Variants in GTF2A1 observed in about 807,000 individuals in gnomAD.
The protein encoded by GTF2A1 is general transcription factor IIA subunit 1, also known as transcription initiation factor IIA subunit 1.
A neutral mutation model predicts 54.1 loss-of-function variants in GTF2A1; 12 were observed. The observed-to-expected ratio is 0.22, with a 90% CI of 0.14 to 0.36. The LOEUF is 0.36. Ranked by LOEUF, GTF2A1 falls within the 10% of genes least tolerant of loss-of-function variation. GTF2A1 has a pLI of 1.00. For missense variants in GTF2A1, 335 were observed against 442.2 expected (o/e 0.76, Z 2.17); for synonymous variants, 145 against 152.0 (o/e 0.95, Z 0.34).
At chr14:81,201,025 AAT>A (rs1893097718) in intron 4 of GTF2A1, among the ~76,000 whole-genome samples, 1 of 152,180 alleles carries the variant, frequency 6.6e-6, no homozygotes. Context: ...GTAATTTGAA[AAT>A]ATGAGTGAGG....
chr14:81,190,021 G>C (rs1476014780), intron 7 of GTF2A1, among the ~76,000 whole-genome samples: 1 of 151,670 alleles, frequency 6.6e-6, no homozygotes, highest in Non-Finnish European at 1.5e-5. Context: ...AAAAAAGATG[G>C]CACAATAATT....
Position 81,201,615 on chromosome 14 carries a change from C to T in GTF2A1, c.381G>A (p.Gln127=). The T allele has an allele frequency of 1.9e-6, 3 of 1,605,210 alleles. No homozygotes were observed. Among genetic ancestry groups the T allele is most frequent in the Non-Finnish European group, 1.7e-6 (2 of 1,171,966 alleles). The change falls in exon 4 of 9, where the codon CAG becomes CAA. Residue 127 remains glutamine (Q), a synonymous_variant. Coordinates refer to ENST00000553612, the MANE Select transcript of GTF2A1 (RefSeq NM_015859.4). ...TTACCATGTTTGATGCATTCATATG[C>T]TGTATCAACTTAGAATCTGGAACAA... The part of the protein sequence containing the change: ...QVIVPDSKLI[Q]HMNASNMSAA...
intron 3 of GTF2A1, chr14:81,202,812 G>A (rs756770360): frequency 2.7e-5 from 14 of 515,758 alleles, no homozygotes; most frequent in Admixed American, 7.8e-5. Flanking sequence ...CAGGTCTGAA[G>A]GCAACAGGAA....
At chr14:81,190,156 A>G (rs1370772902) in intron 7 of GTF2A1, among the ~76,000 whole-genome samples, 1 of 152,164 alleles carries the variant, frequency 6.6e-6, no homozygotes, top group Admixed American at 6.5e-5. Context: ...ATAACTTATC[A>G]AAACGGTCTC....
At chr14:81,211,882 T>TATATATATATATATATATAC (rs1893376228) in intron 2 of GTF2A1, among the ~76,000 whole-genome samples, 2 of 45,982 alleles carry the variant, frequency 4.3e-5, no homozygotes, top group Admixed American at 4.6e-4. Flanking sequence ...ACTTTATATA[T>TATATATATATATATATATAC]ATATATATAT....
At chr14:81,196,036 G>A (rs1003012746) in intron 6 of GTF2A1, 72 bp downstream of exon 6, 11 of 1,394,482 alleles carry the variant, frequency 7.9e-6, no homozygotes, top group African/African-American at 5.7e-5. Flanking sequence ...TATAAGGAGA[G>A]GGAAACTACC....
At chr14:81,190,066 TCAA>T in intron 7 of GTF2A1, among the ~76,000 whole-genome samples, 5 of 151,968 alleles carry the variant, frequency 3.3e-5, no homozygotes, top group Non-Finnish European at 7.4e-5. Context: ...GATTCTGGCA[TCAA>T]AAAGACAATA....
chr14:81,200,001 G>A (rs1368176763), intron 4 of GTF2A1, among the ~76,000 whole-genome samples: 1 of 151,630 alleles, frequency 6.6e-6, no homozygotes, highest in Non-Finnish European at 1.5e-5. Flanking sequence ...ACTTAAAATG[G>A]AGTTTTTTCC....
Position 81,216,632 on chromosome 14 carries a change from A to G in GTF2A1, c.31-118T>C, listed in dbSNP as rs1056462861. 7.3e-6 allele frequency: 4 copies of G among 551,510 alleles called. No homozygotes were observed. In the African/African-American group the frequency reaches 7.7e-5, roughly 11 times the overall value. The allele number at this position is 551,510 out of a possible 1,614,324, so 34.2% of individuals were successfully genotyped here. A position where few individuals can be genotyped will look rare whatever the true frequency, so the allele number is the denominator to read the frequency against. On this transcript the variant is annotated intron_variant, in intron 1 of 8. Coordinates refer to ENST00000553612, the MANE Select transcript of GTF2A1 (RefSeq NM_015859.4). ...TTGCCAACTATCTATATATGACTTTAAAGATACGACCACCATCATTTGCCA... is the reference window on the plus strand; with the variant it reads ...TTGCCAACTATCTATATATGACTTTGAAGATACGACCACCATCATTTGCCA...
intron 2 of GTF2A1, among the ~76,000 whole-genome samples, chr14:81,205,104 GTTTC>G (rs199517892): frequency 0.014 from 2,115 of 152,028 alleles, 44 homozygotes; most frequent in African/African-American, 0.041. Context: ...CTCACAGAGA[GTTTC>G]TTTATTTTTT....
intron 7 of GTF2A1, among the ~76,000 whole-genome samples, chr14:81,189,233 T>A (rs765234770): frequency 6.6e-6 from 1 of 152,162 alleles, no homozygotes; most frequent in Non-Finnish European, 1.5e-5. Flanking sequence ...ATGGTTCAAC[T>A]CACTGAGAAA....
At chr14:81,207,725 A>G (rs560024238) in intron 2 of GTF2A1, among the ~76,000 whole-genome samples, 11 of 152,370 alleles carry the variant, frequency 7.2e-5, no homozygotes, top group African/African-American at 2.6e-4. Context: ...AATAAGGTCC[A>G]GGCTGAGGTG....
chr14:81,204,136 G>A (rs1243218595), intron 2 of GTF2A1, 32 bp from the exon 3 acceptor site: 1 of 1,390,414 alleles, frequency 7.2e-7, no homozygotes, highest in East Asian at 2.3e-5. Flanking sequence ...ATTTCTAAGT[G>A]AAAAATAACT....
In GTF2A1 at chr14:81,198,667, T is replaced by C. The variant is rs372420715; in HGVS notation, c.403-1183A>G. Among the ~76,000 whole-genome samples the C allele has an allele frequency of 1.4e-4, 21 of 152,296 alleles. No individual in the cohort carries two copies. In the South Asian group the frequency reaches 1.5e-3, roughly 11 times the overall value. ...CCGCTATAGCTACACATTTTGGTAGTTTTTTCCCTCTCTTTTCAATCTTCT... is the reference window on the plus strand; with the variant it reads ...CCGCTATAGCTACACATTTTGGTAGCTTTTTCCCTCTCTTTTCAATCTTCT... On this transcript the variant is annotated intron_variant, in intron 4 of 8. Coordinates refer to ENST00000553612, the MANE Select transcript of GTF2A1 (RefSeq NM_015859.4).
Position 81,220,567 on chromosome 14 carries a change from AAAAAC to A in GTF2A1, c.-54_-50del. On this transcript the variant is annotated 5_prime_UTR_variant, in exon 1 of 9. Coordinates refer to ENST00000553612, the MANE Select transcript of GTF2A1 (RefSeq NM_015859.4). ...GGGGGCAACCCCAAGAAAACAAGATAAAAACAAAACCAAAAAAAAAAAAACTATAA... is the reference window on the plus strand; with the variant it reads ...GGGGGCAACCCCAAGAAAACAAGATAAAAACCAAAAAAAAAAAAACTATAA... The A allele has an allele frequency of 6.7e-7, 1 of 1,482,920 alleles. No homozygotes were observed. The highest frequency in any genetic ancestry group is 1.7e-4 in the Middle Eastern group (1 of 5,762). 91.9% of individuals were successfully genotyped at this position (1,482,920 alleles called of 1,614,324 possible). A position where few individuals can be genotyped will look rare whatever the true frequency, so the allele number is the denominator to read the frequency against.
Position 81,180,132 on chromosome 14 carries a change from A to C in GTF2A1, c.*91T>G. ...GCACTTTTCTGACATGCAGAAACGAAGTTTTGGTTGGCATATGCCCCAAGT... is the reference window on the plus strand; with the variant it reads ...GCACTTTTCTGACATGCAGAAACGACGTTTTGGTTGGCATATGCCCCAAGT... On this transcript the variant is annotated 3_prime_UTR_variant, in exon 9 of 9. Coordinates refer to ENST00000553612, the MANE Select transcript of GTF2A1 (RefSeq NM_015859.4). The C allele has an allele frequency of 1.7e-6, 1 of 589,348 alleles. No homozygotes were observed. Among genetic ancestry groups the C allele is most frequent in the Non-Finnish European group, 3.1e-6 (1 of 324,932 alleles). 36.5% of individuals were successfully genotyped at this position (589,348 alleles called of 1,614,324 possible).
At chr14:81,213,425 A>G (rs985347897) in intron 2 of GTF2A1, among the ~76,000 whole-genome samples, 1 of 152,208 alleles carries the variant, frequency 6.6e-6, no homozygotes, top group African/African-American at 2.4e-5. Flanking sequence ...GCGAGAGTAG[A>G]TAACAATCTA....
At chr14:81,199,013 T>A (rs191633940) in intron 4 of GTF2A1, among the ~76,000 whole-genome samples, 90 of 152,268 alleles carry the variant, frequency 5.9e-4, no homozygotes, top group South Asian at 1.2e-3. Flanking sequence ...AGTTGGATAC[T>A]CAATTACCCA....
At position 81,196,208 on chromosome 14, in the gene GTF2A1, C is replaced by G; in HGVS notation, c.512G>C (p.Gly171Ala). 6.2e-7 allele frequency: 1 copy of G among 1,614,070 alleles called. No homozygotes were observed. The highest frequency in any genetic ancestry group is 8.5e-7 in the Non-Finnish European group (1 of 1,179,956). ...QLLQVVRAAN[G>A]AQYIFQPQQS... ...CTGAGGCTGAAAGATATATTGGGCA[C>G]CATTGGCTGCTCTGACCACCTGAAG... The change falls in exon 6 of 9, where the codon GGT (glycine) becomes GCT (alanine). Residue 171 changes from glycine to alanine, a missense_variant. By Grantham distance (60) the Gly-to-Ala change is moderately conservative (BLOSUM62 0). This residue lies in a region of GTF2A1 where 306 missense variants were observed against 360.4 expected (regional missense o/e 0.85). Transcript: ENST00000553612.
Sources: gnomAD v4.1 joint callset for allele counts (sites outside exome capture counted in the v4.1 genomes callset) on GRCh38, gnomAD v4.1.1 for gene constraint, gnomAD v4.1.1 regional missense constraint, MANE v1.5 for transcripts, NCBI Gene and HGNC (gene_info 2026-07-23, HGNC 2026-07-21) for gene names.